Variants in RERE observed in about 807,000 individuals in gnomAD.
The protein encoded by RERE is arginine-glutamic acid dipeptide repeats protein.
In RERE, 40 loss-of-function variants were observed where a neutral mutation model predicts 146.1. That is an observed-to-expected ratio of 0.27 (90% CI 0.21 to 0.36). The LOEUF (loss-of-function observed/expected upper bound fraction) is 0.36, where lower values mean the gene tolerates loss of function less well. Among genes scored for constraint, RERE ranks in the 10% least tolerant of loss-of-function variants. The pLI, the probability that RERE is intolerant of heterozygous loss-of-function variation, is 1.00. For missense variants in RERE, 1,933 were observed against 2,138.7 expected, an observed-to-expected ratio of 0.90 and a Z score of 1.90; for synonymous variants, 1,003 against 866.0, an observed-to-expected ratio of 1.16 and a Z score of -2.78.
intron 1 of RERE, among the ~76,000 whole-genome samples, chr1:8,680,037 G>A (rs569942207): frequency 1.3e-5 from 2 of 152,208 alleles, no homozygotes; most frequent in South Asian, 2.1e-4. Flanking sequence ...TAATCATCAT[G>A]GAATAGCTGT....
intron 3 of RERE, among the ~76,000 whole-genome samples, chr1:8,623,197 A>T (rs1036912699): frequency 2.0e-5 from 3 of 152,234 alleles, no homozygotes; most frequent in Non-Finnish European, 4.4e-5. Context: ...TTGTAATCCC[A>T]GCACTTTGGG....
At chr1:8,713,508 C>T (rs549141694) in intron 1 of RERE, among the ~76,000 whole-genome samples, 27 of 152,088 alleles carry the variant, frequency 1.8e-4, no homozygotes, top group Non-Finnish European at 3.1e-4. Context: ...CTGAGGTGGG[C>T]GGATCACCTG....
At chr1:8,434,372 A>G (rs1644138902) in intron 11 of RERE, among the ~76,000 whole-genome samples, 1 of 152,222 alleles carries the variant, frequency 6.6e-6, no homozygotes, top group Non-Finnish European at 1.5e-5. Context: ...GCTTTAGAGA[A>G]CTACGCTGGT....
In RERE at chr1:8,817,585, G is replaced by A. The variant is rs1641943220; in HGVS notation, c.-570C>T. On this transcript the variant is annotated 5_prime_UTR_variant, in exon 1 of 23. Coordinates refer to ENST00000400908, the MANE Select transcript of RERE (RefSeq NM_001042681.2). Reference sequence around the variant, plus strand: ...GAGGCCCAGCGGGGCGAGCGTCTCGGGGTGTGCGGGAGGCTGAGGAGGCTC... The same window carrying A: ...GAGGCCCAGCGGGGCGAGCGTCTCGAGGTGTGCGGGAGGCTGAGGAGGCTC... 1 of 151,330 alleles carries A rather than the reference G, an allele frequency of 6.6e-6. No individual in the cohort carries two copies. The highest frequency in any genetic ancestry group is 1.5e-5 in the Non-Finnish European group (1 of 67,840). The allele number at this position is 151,330 out of a possible 1,614,324, so 9.4% of individuals were successfully genotyped here. A position where few individuals can be genotyped will look rare whatever the true frequency, so the allele number is the denominator to read the frequency against.
intron 1 of RERE, among the ~76,000 whole-genome samples, chr1:8,771,288 G>A (rs965474113): frequency 3.3e-5 from 5 of 151,600 alleles, no homozygotes; most frequent in Non-Finnish European, 5.9e-5. Context: ...TTGGGAGGCC[G>A]AGGCGGGTGG....
intron 10 of RERE, among the ~76,000 whole-genome samples, chr1:8,475,008 A>G (rs895202667): frequency 5.3e-5 from 8 of 152,222 alleles, no homozygotes; most frequent in African/African-American, 1.9e-4. Flanking sequence ...TTCTTCATAT[A>G]GTTTTAATTA....
chr1:8,608,678 C>T (rs1206892851), intron 4 of RERE, among the ~76,000 whole-genome samples: 2 of 152,174 alleles, frequency 1.3e-5, no homozygotes, highest in African/African-American at 4.8e-5. Context: ...AACAAAAAGG[C>T]ATTTAAATCG....
chr1:8,646,493 C>T (rs1337409500), intron 2 of RERE, among the ~76,000 whole-genome samples: 1 of 151,602 alleles, frequency 6.6e-6, no homozygotes, highest in Non-Finnish European at 1.5e-5. Context: ...GTTCATGTCA[C>T]TGCACTGTTG....
At chr1:8,768,303 A>G (rs1640885099) in intron 1 of RERE, among the ~76,000 whole-genome samples, 1 of 152,228 alleles carries the variant, frequency 6.6e-6, no homozygotes, top group African/African-American at 2.4e-5. Flanking sequence ...CTAACCATGG[A>G]AAAACATTCT....
At chr1:8,589,426 T>C (rs1052231093) in intron 4 of RERE, among the ~76,000 whole-genome samples, 3 of 152,152 alleles carry the variant, frequency 2.0e-5, no homozygotes, top group Non-Finnish European at 4.4e-5. Flanking sequence ...GGAAACTGAG[T>C]GAGACCCTGT....
intron 12 of RERE, among the ~76,000 whole-genome samples, chr1:8,403,825 CTTTTTTTTT>C (rs869295197): frequency 0.011 from 763 of 70,898 alleles, 18 homozygotes; most frequent in African/African-American, 0.043. Context: ...AAAATCTTAG[CTTTTTTTTT>C]TTTTTTTTTT....
intron 6 of RERE, among the ~76,000 whole-genome samples, chr1:8,550,152 A>G (rs1008125338): frequency 2.0e-5 from 3 of 152,232 alleles, no homozygotes; most frequent in African/African-American, 7.2e-5. Flanking sequence ...GAACCTGAGT[A>G]CTTGTAACTT....
At chr1:8,480,128 G>GTTTTTTTTTTTTTT (rs112068785) in intron 10 of RERE, among the ~76,000 whole-genome samples, 3 of 135,224 alleles carry the variant, frequency 2.2e-5, no homozygotes, top group Non-Finnish European at 3.1e-5. Flanking sequence ...GCCTTTTTTT[G>GTTTTTTTTTTTTTT]TTTTTTTTTT....
chr1:8,428,660 C>T (rs1291197895), intron 11 of RERE: 5 of 151,932 alleles, frequency 3.3e-5, no homozygotes, highest in South Asian at 2.1e-4. Flanking sequence ...TTTGCATTTT[C>T]GCTACAGTGG....
intron 6 of RERE, among the ~76,000 whole-genome samples, chr1:8,553,068 AGT>A (rs1645957034): frequency 6.6e-6 from 1 of 151,516 alleles, no homozygotes; most frequent in Non-Finnish European, 1.5e-5. Context: ...CCAGTAGGCC[AGT>A]GTGTCCACAT....
chr1:8,783,398 T>C lies in RERE; in HGVS notation c.-145+33762A>G, dbSNP rs532016190. ...ATCTTCAAAATACATCCAGAAGTCATATACTTTTCACAAGTCTACTAGCAA... is the reference window on the plus strand; with the variant it reads ...ATCTTCAAAATACATCCAGAAGTCACATACTTTTCACAAGTCTACTAGCAA... On this transcript the variant is annotated intron_variant, in intron 1 of 22. Coordinates refer to ENST00000400908, the MANE Select transcript of RERE (RefSeq NM_001042681.2). Among the ~76,000 whole-genome samples the C allele has an allele frequency of 7.9e-5, 12 of 152,336 alleles. 1 individual carries two copies. In the South Asian group the frequency reaches 8.3e-4, roughly 11 times the overall value.
At chr1:8,499,011 G>A (rs1431712071) in intron 8 of RERE, among the ~76,000 whole-genome samples, 1 of 152,006 alleles carries the variant, frequency 6.6e-6, no homozygotes, top group Non-Finnish European at 1.5e-5. Context: ...TCCCCACCAA[G>A]ACTGTAAGTG....
chr1:8,388,360 T>C (rs887919715), intron 12 of RERE, among the ~76,000 whole-genome samples: 24 of 150,768 alleles, frequency 1.6e-4, no homozygotes, highest in Middle Eastern at 3.5e-3. Flanking sequence ...TCGCCCAGGC[T>C]GGACTGCGGA....
chr1:8,796,068 T>A (rs1641468688), intron 1 of RERE, among the ~76,000 whole-genome samples: 1 of 152,086 alleles, frequency 6.6e-6, no homozygotes, highest in Non-Finnish European at 1.5e-5. Context: ...ACCTAGTAGT[T>A]CTCTCCAATG....
Sources: gnomAD v4.1 joint callset for allele counts (sites outside exome capture counted in the v4.1 genomes callset) on GRCh38, gnomAD v4.1.1 for gene constraint, MANE v1.5 for transcripts, NCBI Gene and HGNC (gene_info 2026-07-23, HGNC 2026-07-21) for gene names.